CDH13: variants seen among roughly 807,000 people sequenced by gnomAD.
CDH13 encodes the protein cadherin 13.
CDH13 carries 24 observed loss-of-function variants against 63.8 expected under a neutral mutation model. The observed-to-expected ratio is 0.38, with a 90% CI of 0.27 to 0.53. CDH13 has a LOEUF of 0.53. Among genes scored for constraint, CDH13 ranks in the 20% least tolerant of loss-of-function variants. The probability of loss-of-function intolerance (pLI) is 0.85; values close to 1 mark genes in which losing one functional copy is unlikely to be tolerated. For synonymous variants in CDH13, 503 were observed against 355.3 expected, an observed-to-expected ratio of 1.42 and a Z score of -4.67; for missense variants, 1,049 against 903.1, an observed-to-expected ratio of 1.16 and a Z score of -2.07.
intron 1 of CDH13, among the ~76,000 whole-genome samples, chr16:82,658,369 C>G (rs8047386): frequency 0.17 from 25,902 of 152,146 alleles, 2,365 homozygotes; most frequent in Middle Eastern, 0.23. Flanking sequence ...TTAGCTGTCC[C>G]ATTTATGTGC....
intron 5 of CDH13, among the ~76,000 whole-genome samples, chr16:83,322,220 G>GA (rs1171487473): frequency 6.6e-6 from 1 of 152,202 alleles, no homozygotes; most frequent in Admixed American, 6.5e-5. Context: ...AGCCTTTGGT[G>GA]TTGCCGGCTG....
At chr16:82,757,661 T>TG (rs200398154) in intron 1 of CDH13, among the ~76,000 whole-genome samples, 4 of 103,406 alleles carry the variant, frequency 3.9e-5, no homozygotes, top group African/African-American at 8.2e-5. Context: ...TTTTTTTTTT[T>TG]GGGGACAGAG....
At chr16:83,318,966 A>G (rs1185437215) in intron 5 of CDH13, among the ~76,000 whole-genome samples, 1 of 151,558 alleles carries the variant, frequency 6.6e-6, no homozygotes, top group Non-Finnish European at 1.5e-5. Context: ...TATAATAATA[A>G]TAATTCAATC....
chr16:83,501,707 C>G (rs2074287715), intron 7 of CDH13, among the ~76,000 whole-genome samples: 1 of 152,188 alleles, frequency 6.6e-6, no homozygotes, highest in South Asian at 2.1e-4. Flanking sequence ...AGAGCCAGGG[C>G]ATTGGATTTG....
intron 1 of CDH13, among the ~76,000 whole-genome samples, chr16:82,635,235 G>A (rs999766137): frequency 3.9e-5 from 6 of 152,218 alleles, no homozygotes; most frequent in Admixed American, 6.5e-5. Flanking sequence ...ATGAACAAAT[G>A]AATGAATGAA....
chr16:82,856,405 GAAA>G, intron 1 of CDH13, among the ~76,000 whole-genome samples: 1 of 145,082 alleles, frequency 6.9e-6, no homozygotes, highest in South Asian at 2.2e-4. Context: ...GAAAAGAAAA[GAAA>G]AGAAAAATAC....
At chr16:82,898,731 A>T (rs554977041) in intron 2 of CDH13, among the ~76,000 whole-genome samples, 73 of 152,288 alleles carry the variant, frequency 4.8e-4, no homozygotes, top group African/African-American at 1.6e-3. Context: ...TGAAGCAGGG[A>T]ATGGTCTTCC....
rs190326505 is a variant in CDH13, at chr16:83,607,130, A to G, written c.1101+4536A>G. Among the ~76,000 whole-genome samples, 44 of 152,296 alleles carry G rather than the reference A, an allele frequency of 2.9e-4. 1 individual carries two copies. In the East Asian group the frequency reaches 7.8e-3, roughly 27 times the overall value. On this transcript the variant is annotated intron_variant, in intron 8 of 13. Coordinates refer to ENST00000567109, the MANE Select transcript of CDH13 (RefSeq NM_001257.5). The stretch of plus-strand genomic sequence containing the variant: ...TAAAAGTAAATTCTTATTGCAAAGT[A>G]AGCTCATCCAGGCACGGTGGCTCAC...
intron 4 of CDH13, among the ~76,000 whole-genome samples, chr16:83,150,382 C>A (rs2036926205): frequency 6.6e-6 from 1 of 152,134 alleles, no homozygotes; most frequent in Non-Finnish European, 1.5e-5. Flanking sequence ...CTTTTCTCTC[C>A]CTTGCTATCA....
intron 1 of CDH13, among the ~76,000 whole-genome samples, chr16:82,832,713 C>T (rs533414455): frequency 5.8e-4 from 84 of 145,716 alleles, no homozygotes; most frequent in Non-Finnish European, 3.2e-4. Flanking sequence ...TGCCATGTTA[C>T]AGTAAGCTTT....
At chr16:83,739,129 G>A (rs1256395648) in intron 10 of CDH13, among the ~76,000 whole-genome samples, 1 of 152,136 alleles carries the variant, frequency 6.6e-6, no homozygotes, top group Non-Finnish European at 1.5e-5. Flanking sequence ...TCTCTTAGCT[G>A]ATAAGAGTGA....
intron 6 of CDH13, among the ~76,000 whole-genome samples, chr16:83,453,877 A>G (rs1300462996): frequency 1.3e-5 from 2 of 152,196 alleles, no homozygotes; most frequent in Non-Finnish European, 2.9e-5. Flanking sequence ...CTGCCTTTGT[A>G]GTCCATGGTC....
chr16:83,042,277 C>G (rs1453430227), intron 3 of CDH13, among the ~76,000 whole-genome samples: 1 of 152,208 alleles, frequency 6.6e-6, no homozygotes, highest in Non-Finnish European at 1.5e-5. Context: ...TAGCCACTCC[C>G]CATTCCCCAC....
At chr16:82,802,088 C>T (rs2036886950) in intron 1 of CDH13, among the ~76,000 whole-genome samples, 1 of 142,358 alleles carries the variant, frequency 7.0e-6, no homozygotes, top group Non-Finnish European at 1.5e-5. Flanking sequence ...TGGGGCAGCT[C>T]ACTGGGTTAT....
At chr16:83,331,392 A>C (rs957095214) in intron 5 of CDH13, among the ~76,000 whole-genome samples, 1 of 152,164 alleles carries the variant, frequency 6.6e-6, no homozygotes, top group African/African-American at 2.4e-5. Flanking sequence ...GTACTATAAT[A>C]CTGATGATGT....
At chr16:83,125,803 G>T (rs1180962666) in intron 4 of CDH13, among the ~76,000 whole-genome samples, 1 of 152,150 alleles carries the variant, frequency 6.6e-6, no homozygotes, top group Non-Finnish European at 1.5e-5. Context: ...ATTATATTCA[G>T]GTGATCACCA....
intron 6 of CDH13, among the ~76,000 whole-genome samples, chr16:83,448,101 T>C (rs769279578): frequency 1.3e-5 from 2 of 152,212 alleles, no homozygotes; most frequent in Non-Finnish European, 2.9e-5. Flanking sequence ...TCTTTTATTT[T>C]ATTATAGAGA....
chr16:83,591,478 C>T (rs1020698122), intron 7 of CDH13, among the ~76,000 whole-genome samples: 9 of 152,210 alleles, frequency 5.9e-5, no homozygotes, highest in African/African-American at 2.2e-4. Context: ...ACTGTGAGTT[C>T]CTTGAAGGTA....
At chr16:82,694,445 T>C (rs755526033) in intron 1 of CDH13, among the ~76,000 whole-genome samples, 19 of 152,356 alleles carry the variant, frequency 1.2e-4, no homozygotes, top group Admixed American at 3.3e-4. Context: ...TCTTGGGTAA[T>C]TGCCTTTTTA....
Sources: allele counts gnomAD v4.1 joint callset (sites outside exome capture counted in the v4.1 genomes callset), GRCh38; gene constraint gnomAD v4.1.1; transcripts MANE v1.5; gene names NCBI Gene and HGNC (gene_info 2026-07-23, HGNC 2026-07-21).